The following GRIP1 variants were observed in gnomAD, a reference collection of about 807,000 sequenced individuals.
GRIP1 encodes the protein glutamate receptor-interacting protein 1.
Under a neutral mutation model 129.9 loss-of-function variants are expected in GRIP1, and 45 were observed. The observed-to-expected ratio is 0.35, with a 90% CI of 0.27 to 0.44. GRIP1 has a LOEUF of 0.44. Among genes scored for constraint, GRIP1 ranks in the 20% least tolerant of loss-of-function variants. The pLI is 1.00. For missense variants in GRIP1, 1,196 were observed against 1,396.8 expected, an observed-to-expected ratio of 0.86 and a Z score of 2.29; for synonymous variants, 530 against 520.8, an observed-to-expected ratio of 1.02 and a Z score of -0.24.
At chr12:67,067,353 T>C (rs1466193139) in intron 1 of GRIP1, among the ~76,000 whole-genome samples, 1 of 152,214 alleles carries the variant, frequency 6.6e-6, no homozygotes, top group Non-Finnish European at 1.5e-5. Context: ...GTGATTTTTT[T>C]TTTAAGCAAA....
At chr12:66,705,457 T>C (rs2136372933) in intron 1 of GRIP1, among the ~76,000 whole-genome samples, 1 of 152,218 alleles carries the variant, frequency 6.6e-6, no homozygotes, top group Admixed American at 6.5e-5. Context: ...GAAGAATCAA[T>C]ATCGTGAAAA....
At chr12:66,922,984 TTGAGCCCATGCTGCAGGTAAAGC>T (rs1358831653) in intron 1 of GRIP1, among the ~76,000 whole-genome samples, 3 of 152,228 alleles carry the variant, frequency 2.0e-5, no homozygotes, top group Admixed American at 1.3e-4. Flanking sequence ...ATATATATGA[TTGAGCCCATGCTGCAGGTAAAGC>T]TGAGCCACTG....
At chr12:66,587,914 C>T (rs1001344838) in intron 2 of GRIP1, among the ~76,000 whole-genome samples, 9 of 152,072 alleles carry the variant, frequency 5.9e-5, no homozygotes, top group Non-Finnish European at 1.3e-4. Context: ...ATCTTTATAA[C>T]ATCTGTTTAA....
At chr12:66,469,508 G>A (rs551813533) in intron 7 of GRIP1, among the ~76,000 whole-genome samples, 1 of 152,280 alleles carries the variant, frequency 6.6e-6, no homozygotes, top group South Asian at 2.1e-4. Context: ...TAAAGACTGA[G>A]TTTGGAGGGA....
At chr12:66,674,092 G>A (rs1181480236) in intron 1 of GRIP1, among the ~76,000 whole-genome samples, 1 of 152,144 alleles carries the variant, frequency 6.6e-6, no homozygotes, top group African/African-American at 2.4e-5. Context: ...GGATCTGACA[G>A]AGAAGGCCAG....
At chr12:66,822,782 A>C (rs1446221998) in intron 1 of GRIP1, among the ~76,000 whole-genome samples, 4 of 152,248 alleles carry the variant, frequency 2.6e-5, no homozygotes, top group South Asian at 4.2e-4. Context: ...GTTCTCACTT[A>C]TAAGTGGAAG....
intron 7 of GRIP1, among the ~76,000 whole-genome samples, chr12:66,495,302 G>C (rs575029671): frequency 8.5e-5 from 13 of 152,322 alleles, no homozygotes; most frequent in African/African-American, 2.9e-4. Flanking sequence ...AGAAAGTTAT[G>C]AGAGAAAGAG....
chr12:66,517,926 C>T lies in GRIP1; in HGVS notation c.553G>A (p.Val185Ile), dbSNP rs754804786. ...NKSRPVVITCVRPGGPADREG... is the reference protein window; with the variant it reads ...NKSRPVVITCIRPGGPADREG... ...CTGTCAGCAGGCCCTCCAGGACGAACACATGTTATCACAACTGGACGAGAT... is the reference window on the plus strand; with the variant it reads ...CTGTCAGCAGGCCCTCCAGGACGAATACATGTTATCACAACTGGACGAGAT... The change falls in exon 6 of 25, where the codon GTT becomes ATT. Residue 185 changes from valine (V) to isoleucine (I), a missense_variant. Physicochemically the swap from Val to Ile is conservative, Grantham distance 29. Around this residue, in one of 5 missense-constraint regions of GRIP1, gnomAD observed 16 missense variants for 43.6 expected, o/e 0.37. Transcript: ENST00000359742. 8.8e-6 allele frequency: 14 copies of T among 1,591,196 alleles called. No individual in the cohort carries two copies. In the South Asian group the frequency reaches 1.5e-4, roughly 18 times the overall value.
At chr12:66,456,101 T>A (rs2058953578) in intron 10 of GRIP1, 86 bp downstream of exon 10, 5 of 793,468 alleles carry the variant, frequency 6.3e-6, no homozygotes, top group African/African-American at 5.4e-5. Context: ...AAAAACAACA[T>A]CCATGAAGCC....
chr12:66,689,797 G>A (rs1050159323), intron 1 of GRIP1, among the ~76,000 whole-genome samples: 2 of 151,936 alleles, frequency 1.3e-5, no homozygotes, highest in South Asian at 2.1e-4. Context: ...TTGAAAGTTC[G>A]TACCCTTTGA....
chr12:66,525,500 T>C (rs1757843213), intron 5 of GRIP1, among the ~76,000 whole-genome samples: 1 of 151,570 alleles, frequency 6.6e-6, no homozygotes, highest in Non-Finnish European at 1.5e-5. Flanking sequence ...CTAAAAACTC[T>C]CAATAAATTA....
chr12:66,622,939 T>G (rs1214312238), intron 1 of GRIP1, among the ~76,000 whole-genome samples: 1 of 152,172 alleles, frequency 6.6e-6, no homozygotes. Context: ...TACTACAAGA[T>G]TTACTATACA....
At chr12:66,426,966 A>C (rs1381369802) in intron 14 of GRIP1, among the ~76,000 whole-genome samples, 2 of 152,166 alleles carry the variant, frequency 1.3e-5, no homozygotes, top group Admixed American at 6.5e-5. Flanking sequence ...TGCTTTCCAG[A>C]GAATAAAACT....
At chr12:66,966,984 C>A (rs899716171) in intron 1 of GRIP1, among the ~76,000 whole-genome samples, 4 of 152,148 alleles carry the variant, frequency 2.6e-5, no homozygotes, top group Non-Finnish European at 5.9e-5. Context: ...GTAGGAGATA[C>A]TGCTTCTTCT....
chr12:66,376,099 A>T (rs2055772518), intron 22 of GRIP1, among the ~76,000 whole-genome samples: 1 of 152,232 alleles, frequency 6.6e-6, no homozygotes, highest in South Asian at 2.1e-4. Flanking sequence ...ATTTTATAGG[A>T]TTATCCATGT....
chr12:66,806,857 G>C (rs1244697392), upstream of GRIP1, among the ~76,000 whole-genome samples: 2 of 151,240 alleles, frequency 1.3e-5, no homozygotes, highest in Non-Finnish European at 2.9e-5. Context: ...TATCTGTAAT[G>C]ATAGAATTTT....
At chr12:66,619,159 C>T (rs1382674595) in intron 1 of GRIP1, among the ~76,000 whole-genome samples, 1 of 152,044 alleles carries the variant, frequency 6.6e-6, no homozygotes, top group Non-Finnish European at 1.5e-5. Flanking sequence ...AGAACATATA[C>T]ATTAAAGTCA....
At chr12:66,354,273 C>A (rs2054373342) in intron 23 of GRIP1, among the ~76,000 whole-genome samples, 1 of 152,160 alleles carries the variant, frequency 6.6e-6, no homozygotes, top group South Asian at 2.1e-4. Flanking sequence ...GCTAAAGCCT[C>A]ACTCCTCCAC....
intron 1 of GRIP1, among the ~76,000 whole-genome samples, chr12:66,879,176 CTTG>C (rs1566062357): frequency 6.6e-6 from 1 of 151,694 alleles, no homozygotes; most frequent in East Asian, 1.9e-4. Context: ...CTTTTACTAT[CTTG>C]TTATTTTTGT....
Sources: gnomAD v4.1 joint callset for allele counts (sites outside exome capture counted in the v4.1 genomes callset) on GRCh38, gnomAD v4.1.1 for gene constraint, gnomAD v4.1.1 regional missense constraint, MANE v1.5 for transcripts, NCBI Gene and HGNC (gene_info 2026-07-23, HGNC 2026-07-21) for gene names.